PSMA8: variants seen among roughly 807,000 people sequenced by gnomAD.
PSMA8 encodes the protein proteasome 20S subunit alpha 8.
A neutral mutation model predicts 32.4 loss-of-function variants in PSMA8; 18 were observed. That is an observed-to-expected ratio of 0.56 (90% confidence interval 0.38 to 0.82). PSMA8 has a LOEUF of 0.82. Among genes scored for constraint, PSMA8 ranks in the 40% least tolerant of loss-of-function variants. The pLI, the probability that PSMA8 is intolerant of heterozygous loss-of-function variation, is 0.00. For synonymous variants in PSMA8, 104 were observed against 98.1 expected (o/e 1.06, Z -0.36); for missense variants, 298 against 300.7 (o/e 0.99, Z 0.07).
intron 4 of PSMA8, among the ~76,000 whole-genome samples, chr18:26,164,338 G>C (rs1262185766): frequency 6.6e-6 from 1 of 152,158 alleles, no homozygotes; most frequent in Non-Finnish European, 1.5e-5. Flanking sequence ...TCATTAAGGG[G>C]TGCCAAAACC....
intron 1 of PSMA8, among the ~76,000 whole-genome samples, chr18:26,143,952 C>G (rs1206804209): frequency 6.6e-6 from 1 of 152,068 alleles, no homozygotes; most frequent in Non-Finnish European, 1.5e-5. Context: ...GAACTCCAGA[C>G]CTCAAGTCGT....
intron 6 of PSMA8, among the ~76,000 whole-genome samples, chr18:26,187,222 T>A (rs564271046): frequency 6.6e-6 from 1 of 152,270 alleles, no homozygotes; most frequent in South Asian, 2.1e-4. Flanking sequence ...GGTGTGCGCC[T>A]GTTGTCCCAG....
At chr18:26,183,852 C>T (rs9951935) in intron 6 of PSMA8, among the ~76,000 whole-genome samples, 25,607 of 150,070 alleles carry the variant, frequency 0.17, 4,440 homozygotes, top group African/African-American at 0.38. Context: ...TGTGGCAAAC[C>T]TCATTGTTGT....
chr18:26,151,999 A>G lies in PSMA8; in HGVS notation c.354+17A>G. The G allele has an allele frequency of 1.3e-6, 2 of 1,583,426 alleles. No individual in the cohort carries two copies. Among genetic ancestry groups the G allele is most frequent in the Non-Finnish European group, 1.7e-6 (2 of 1,168,690 alleles). On this transcript the variant is annotated intron_variant, in intron 3 of 6. Transcript: ENST00000415576. ...TTAAAGCAGGTAAGCTAATATTCTA[A>G]CATACTTTGTTAAGCTTTCTCCTTT...
chr18:26,136,283 T>C (rs2054911044), intron 1 of PSMA8, among the ~76,000 whole-genome samples: 1 of 152,220 alleles, frequency 6.6e-6, no homozygotes, highest in Non-Finnish European at 1.5e-5. Context: ...GGAAAAGAAA[T>C]GAATCCTTCA....
At chr18:26,190,247 C>A (rs1465930253) in intron 6 of PSMA8, among the ~76,000 whole-genome samples, 1 of 151,982 alleles carries the variant, frequency 6.6e-6, no homozygotes, top group Non-Finnish European at 1.5e-5. Context: ...TAACTATAGT[C>A]AATAACAATT....
intron 2 of PSMA8, among the ~76,000 whole-genome samples, chr18:26,146,065 C>G (rs1338529071): frequency 6.6e-6 from 1 of 151,640 alleles, no homozygotes; most frequent in Non-Finnish European, 1.5e-5. Flanking sequence ...GTACTGATAT[C>G]TAATTGTAAG....
chr18:26,182,056 G>A (rs894426291), intron 6 of PSMA8, among the ~76,000 whole-genome samples: 5 of 152,132 alleles, frequency 3.3e-5, no homozygotes, highest in Non-Finnish European at 7.3e-5. Context: ...CTTCAATTCT[G>A]TGAAGGCTGA....
chr18:26,190,117 G>T (rs1043751746), intron 6 of PSMA8, among the ~76,000 whole-genome samples: 1 of 152,176 alleles, frequency 6.6e-6, no homozygotes, highest in South Asian at 2.1e-4. Context: ...TGGAGATACA[G>T]AGTAGAAGGA....
chr18:26,181,968 A>G (rs958763453), intron 6 of PSMA8, among the ~76,000 whole-genome samples: 2 of 151,892 alleles, frequency 1.3e-5, no homozygotes, highest in Non-Finnish European at 2.9e-5. Context: ...TGGAGGTTTT[A>G]GTGGCCTGGC....
chr18:26,150,837 AT>A lies in PSMA8; in HGVS notation c.230-1020del, dbSNP rs199577669. 5.1e-3 allele frequency among the ~76,000 whole-genome samples: 773 copies of A among 152,252 alleles called. 5 individuals are homozygous for A. Among genetic ancestry groups the A allele is most frequent in the African/African-American group, 0.018 (729 of 41,564 alleles). On this transcript the variant is annotated intron_variant, in intron 2 of 6. Coordinates refer to ENST00000415576, the MANE Select transcript of PSMA8 (RefSeq NM_001025096.2). ...AAAGGGGAAATACATACTTTGTTTG[AT>A]CATATTTCAGATTGAGTGACGTTTT...
chr18:26,184,729 G>T lies in PSMA8; in HGVS notation c.660+5599G>T, dbSNP rs1013867480. On this transcript the variant is annotated intron_variant, in intron 6 of 6. Transcript: ENST00000415576. ...GCAAAGGTTGCGATGTGTCGAGATA[G>T]CGCCACTGCACTCCAGCATAGGCGA... is the stretch of plus-strand genomic sequence containing the variant. Among the ~76,000 whole-genome samples, 2 of 143,832 alleles carry T rather than the reference G, an allele frequency of 1.4e-5. 1 individual carries two copies. The highest frequency in any genetic ancestry group is 3.0e-5 in the Non-Finnish European group (2 of 66,470). 94.4% of individuals were successfully genotyped at this position (143,832 alleles called of 152,430 possible).
rs1184590249 is a variant in PSMA8, at chr18:26,179,073, C to A, written c.603C>A (p.Val201=). The change falls in exon 6 of 7, where the codon GTC becomes GTA. Residue 201 remains valine (V), a synonymous_variant. Coordinates refer to ENST00000415576, the MANE Select transcript of PSMA8 (RefSeq NM_001025096.2). ...GTGTACTTGTTCTACATTAGGTTGT[C>A]CAGTCTGGTGGAAAAAACATTGAAC... The part of the protein sequence containing the change: ...KLAIKALLEV[V]QSGGKNIELA... The A allele has an allele frequency of 1.2e-6, 2 of 1,612,966 alleles. No individual in the cohort carries two copies. Among genetic ancestry groups the A allele is most frequent in the South Asian group, 2.2e-5 (2 of 90,942 alleles).
intron 4 of PSMA8, among the ~76,000 whole-genome samples, chr18:26,177,384 C>A (rs2055272456): frequency 6.6e-6 from 1 of 152,174 alleles, no homozygotes; most frequent in Non-Finnish European, 1.5e-5. Context: ...TTGAGAAAGC[C>A]TATTTTAACC....
chr18:26,177,709 T>C (rs1309038330), intron 4 of PSMA8, among the ~76,000 whole-genome samples: 1 of 152,194 alleles, frequency 6.6e-6, no homozygotes, highest in Admixed American at 6.5e-5. Flanking sequence ...AAGCCCTTCT[T>C]GCTTAAGAGT....
chr18:26,155,879 G>A (rs897914591), intron 3 of PSMA8, among the ~76,000 whole-genome samples: 1 of 152,158 alleles, frequency 6.6e-6, no homozygotes, highest in African/African-American at 2.4e-5. Context: ...TGCAAAATGA[G>A]AGAAAATATT....
intron 4 of PSMA8, among the ~76,000 whole-genome samples, chr18:26,159,827 G>T (rs1229071952): frequency 6.6e-6 from 1 of 152,052 alleles, no homozygotes; most frequent in African/African-American, 2.4e-5. Context: ...TTGCATACAC[G>T]TGGATACCCC....
intron 4 of PSMA8, among the ~76,000 whole-genome samples, chr18:26,175,457 ACTT>A (rs2055256424): frequency 6.6e-6 from 1 of 152,166 alleles, no homozygotes; most frequent in African/African-American, 2.4e-5. Flanking sequence ...AGCTGTTCTA[ACTT>A]GGGGTGAAGG....
chr18:26,162,103 T>C (rs2055140296), intron 4 of PSMA8, among the ~76,000 whole-genome samples: 1 of 152,238 alleles, frequency 6.6e-6, no homozygotes, highest in African/African-American at 2.4e-5. Flanking sequence ...GTGTACATTG[T>C]GGCATGATTT....
Sources: allele counts gnomAD v4.1 joint callset (sites outside exome capture counted in the v4.1 genomes callset), GRCh38; gene constraint gnomAD v4.1.1; transcripts MANE v1.5; gene names NCBI Gene and HGNC (gene_info 2026-07-23, HGNC 2026-07-21).